The following C4orf50 variants were observed in gnomAD, a reference collection of about 807,000 sequenced individuals.
C4orf50 encodes uncharacterized protein C4orf50.
In C4orf50, 80 loss-of-function variants were observed where a neutral mutation model predicts 77.2. The observed-to-expected ratio is 1.04, with a 90% CI of 0.87 to 1.25. C4orf50 has a LOEUF of 1.25. Among genes scored for constraint, C4orf50 ranks in the 50% most tolerant of loss-of-function variants. C4orf50 has a pLI of 0.00. For synonymous variants in C4orf50, 532 were observed against 465.3 expected (o/e 1.14, Z -1.84); for missense variants, 1,257 against 1,152.9 (o/e 1.09, Z -1.31).
At chr4:6,004,234 G>A (rs1342292054) in intron 25 of C4orf50, among the ~76,000 whole-genome samples, 1 of 31,646 alleles carries the variant, frequency 3.2e-5, no homozygotes, top group African/African-American at 1.1e-4. Flanking sequence ...ATGTGATGGT[G>A]ATGATGATGG....
intron 31 of C4orf50, among the ~76,000 whole-genome samples, chr4:5,969,017 C>T (rs933981235): frequency 6.6e-6 from 1 of 152,152 alleles, no homozygotes; most frequent in African/African-American, 2.4e-5. Flanking sequence ...ATTCCATGAT[C>T]CTGGCCAAGT....
intron 26 of C4orf50, among the ~76,000 whole-genome samples, chr4:5,993,733 C>A (rs1250388122): frequency 1.3e-5 from 2 of 151,924 alleles, no homozygotes; most frequent in Non-Finnish European, 2.9e-5. Flanking sequence ...AGGAGAATAG[C>A]TTGAACCCGG....
At chr4:6,013,625 G>A (rs1444411857) in intron 23 of C4orf50, among the ~76,000 whole-genome samples, 1 of 152,144 alleles carries the variant, frequency 6.6e-6, no homozygotes, top group Non-Finnish European at 1.5e-5. Context: ...TCACCTGCTG[G>A]TCTCTAAGAC....
intron 7 of C4orf50, among the ~76,000 whole-genome samples, chr4:5,933,387 A>C (rs1577903623): frequency 6.6e-6 from 1 of 152,126 alleles, no homozygotes; most frequent in Non-Finnish European, 1.5e-5. Flanking sequence ...GGATTTTCCT[A>C]CTTCTCCAGC....
intron 25 of C4orf50, among the ~76,000 whole-genome samples, chr4:6,006,508 T>C (rs1722257944): frequency 6.6e-6 from 1 of 152,244 alleles, no homozygotes; most frequent in Admixed American, 6.5e-5. Flanking sequence ...GATGCTGTCC[T>C]CTGAGCCTCA....
Position 6,011,800 on chromosome 4 carries a change from C to T in C4orf50, c.426+30G>A. The T allele has an allele frequency of 2.5e-6, 1 of 399,112 alleles. No individual in the cohort carries two copies. 24.7% of individuals were successfully genotyped at this position (399,112 alleles called of 1,614,324 possible). On this transcript the variant is annotated intron_variant, in intron 24 of 33. Transcript: ENST00000531445. This position sits in a 1 kb window ranked among gnomAD's most constrained non-coding sequence, Gnocchi z 4.2. Reference sequence around the variant, plus strand: ...TCCCACGGCTCTGCTGGACAGGAAACAGGGCCTGGAAAGGAGAAGGAAACG... The same window carrying T: ...TCCCACGGCTCTGCTGGACAGGAAATAGGGCCTGGAAAGGAGAAGGAAACG...
In C4orf50 at chr4:5,974,449, G is replaced by A. The variant is rs539256543; in HGVS notation, c.3922-608C>T. On this transcript the variant is annotated intron_variant, in intron 30 of 33. Transcript: ENST00000531445. ...TTATGACGATTTTTATTTTACGGGC[G>A]CCAACTCGAGGCTCAGACAGACACG... Among the ~76,000 whole-genome samples, 29 of 116,644 alleles carry A rather than the reference G, an allele frequency of 2.5e-4. No individual in the cohort carries two copies. The East Asian group carries it at 7.8e-3, about 31-fold the overall frequency. The allele number at this position is 116,644 out of a possible 152,430, so 76.5% of individuals were successfully genotyped here.
intron 25 of C4orf50, among the ~76,000 whole-genome samples, chr4:5,996,388 T>C (rs1721588659): frequency 6.6e-6 from 1 of 152,054 alleles, no homozygotes; most frequent in African/African-American, 2.4e-5. Flanking sequence ...TTCTCACCCT[T>C]CGACGCTTCC....
chr4:5,987,778 G>A (rs948684021), intron 28 of C4orf50, among the ~76,000 whole-genome samples: 4 of 152,152 alleles, frequency 2.6e-5, no homozygotes, highest in Non-Finnish European at 5.9e-5. Context: ...GGCCACCGTA[G>A]GAACATTATG....
In C4orf50 at chr4:5,972,823, G is replaced by A. The variant is rs114687198; in HGVS notation, c.4104+836C>T. On this transcript the variant is annotated intron_variant, in intron 31 of 33. Transcript: ENST00000531445. ...GGGGGCGTTGCTGGCTTGTCCCCAG[G>A]AACGGGGCTGCATGTATATGTGTGG... 5.6e-3 allele frequency among the ~76,000 whole-genome samples: 858 copies of A among 152,324 alleles called. 4 individuals carry two copies. The highest frequency in any genetic ancestry group is 0.017 in the Middle Eastern group (5 of 294).
Position 5,992,251 on chromosome 4 carries a change from C to G in C4orf50, c.1221+552G>C, listed in dbSNP as rs1198872237. On this transcript the variant is annotated intron_variant, in intron 27 of 33. Coordinates refer to ENST00000531445, the Ensembl canonical transcript of C4orf50. This position sits in a 1 kb window ranked among gnomAD's most constrained non-coding sequence, Gnocchi z 5.0. ...TGATGGAGGGCCTCTCTATTTACAA[C>G]CACACAACCACAGCCGGGCTCGCGG... Among the ~76,000 whole-genome samples, 2 of 152,194 alleles carry G rather than the reference C, an allele frequency of 1.3e-5. No homozygotes were observed. Among genetic ancestry groups the G allele is most frequent in the Non-Finnish European group, 2.9e-5 (2 of 68,038 alleles).
At chr4:5,906,586 C>T (rs1313731805) in intron 7 of C4orf50, among the ~76,000 whole-genome samples, 2 of 152,202 alleles carry the variant, frequency 1.3e-5, no homozygotes, top group Non-Finnish European at 2.9e-5. Context: ...TGTCTGTGCA[C>T]AGCATCCCTT....
intron 23 of C4orf50, among the ~76,000 whole-genome samples, chr4:6,013,598 G>C (rs755441314): frequency 1.3e-5 from 2 of 152,106 alleles, no homozygotes; most frequent in Non-Finnish European, 2.9e-5. Flanking sequence ...TGGTGAGATG[G>C]GGATATGGAT....
chr4:6,010,616 T>C (rs577888918), intron 24 of C4orf50, among the ~76,000 whole-genome samples: 1 of 152,350 alleles, frequency 6.6e-6, no homozygotes, highest in South Asian at 2.1e-4. Flanking sequence ...TGTAAGCCCC[T>C]GAATCGATCT....
chr4:5,956,408 C>T (rs1054860587), downstream of C4orf50, among the ~76,000 whole-genome samples: 15 of 152,234 alleles, frequency 9.9e-5, no homozygotes, highest in African/African-American at 2.4e-4. Flanking sequence ...TGTCCCTGTT[C>T]ATGTCAGTCA....
chr4:5,920,179 CG>C (rs1717199404), intron 7 of C4orf50, among the ~76,000 whole-genome samples: 1 of 152,164 alleles, frequency 6.6e-6, no homozygotes, highest in Non-Finnish European at 1.5e-5. Context: ...GCACAGATAC[CG>C]GGGATAACTC....
chr4:5,965,182 G>A (rs758611016), intron 32 of C4orf50, 37 bp from the exon 11 acceptor site: 19 of 1,598,092 alleles, frequency 1.2e-5, no homozygotes, highest in Non-Finnish European at 1.5e-5. Flanking sequence ...CTCCACCCAG[G>A]AACCTAGGTG....
At chr4:5,993,211 C>A (rs894236194) in intron 26 of C4orf50, among the ~76,000 whole-genome samples, 2 of 152,194 alleles carry the variant, frequency 1.3e-5, no homozygotes, top group Admixed American at 6.5e-5. Context: ...ATCCACCAAA[C>A]CTTTCTAAGC....
intron 31 of C4orf50, among the ~76,000 whole-genome samples, chr4:5,969,011 C>T (rs897132001): frequency 1.3e-5 from 2 of 152,132 alleles, no homozygotes; most frequent in Non-Finnish European, 2.9e-5. Flanking sequence ...TCACTGATTC[C>T]ATGATCCTGG....
Sources: gnomAD v4.1 joint callset for allele counts (sites outside exome capture counted in the v4.1 genomes callset) on GRCh38, gnomAD v4.1.1 for gene constraint, Gnocchi (gnomAD v3.1) non-coding constraint, MANE v1.5 for transcripts, NCBI Gene and HGNC (gene_info 2026-07-23, HGNC 2026-07-21) for gene names.